The following SEMA3A variants were observed in gnomAD, a reference collection of about 807,000 sequenced individuals.
SEMA3A encodes the protein semaphorin-3A.
SEMA3A carries 29 observed loss-of-function variants against 97.9 expected under a neutral mutation model. The observed-to-expected ratio is 0.30, with a 90% CI of 0.22 to 0.40. SEMA3A has a LOEUF of 0.40. Ranked by LOEUF, SEMA3A falls within the 10% of genes least tolerant of loss-of-function variation. The pLI is 1.00. For missense variants in SEMA3A, 763 were observed against 951.3 expected (o/e 0.80, Z 2.60); for synonymous variants, 321 against 323.7 (o/e 0.99, Z 0.09).
rs1804321323 is a variant in SEMA3A at position 84,413,196 on chromosome 7, A to G, written c.-245-41296T>C. Among the ~76,000 whole-genome samples, 3 of 152,174 alleles carry G rather than the reference A, an allele frequency of 2.0e-5. No individual in the cohort carries two copies. In the South Asian group the frequency reaches 6.2e-4, roughly 32 times the overall value. ...CAGTTATGACATCACAGGATGTATT[A>G]TATGTGTAGAATAATGGTTCTATTG... is the stretch of plus-strand genomic sequence containing the variant. On this transcript the variant is annotated intron_variant, in intron 1 of 3. Coordinates refer to the SEMA3A transcript ENST00000424555.
At chr7:84,052,402 C>T (rs1201930787) in intron 5 of SEMA3A, among the ~76,000 whole-genome samples, 2 of 152,140 alleles carry the variant, frequency 1.3e-5, no homozygotes, top group African/African-American at 4.8e-5. Context: ...TGTTATTGGT[C>T]TATTCAGAGA....
chr7:84,286,760 T>C (rs761703821), intron 3 of SEMA3A, among the ~76,000 whole-genome samples: 3 of 152,064 alleles, frequency 2.0e-5, no homozygotes, highest in Non-Finnish European at 2.9e-5. Flanking sequence ...GCTCTTATTC[T>C]TCAAGAATAT....
chr7:84,434,169 T>A (rs1805060740), intron 1 of SEMA3A, among the ~76,000 whole-genome samples: 1 of 152,068 alleles, frequency 6.6e-6, no homozygotes, highest in Admixed American at 6.6e-5. Flanking sequence ...CTCAGATAAT[T>A]AGTGATGTGG....
At chr7:84,283,370 C>T (rs1366955828) in intron 3 of SEMA3A, among the ~76,000 whole-genome samples, 1 of 152,126 alleles carries the variant, frequency 6.6e-6, no homozygotes, top group African/African-American at 2.4e-5. Context: ...AACCTGCACT[C>T]ATTTTTCTCC....
At chr7:84,087,088 C>T (rs140663948) in intron 4 of SEMA3A, among the ~76,000 whole-genome samples, 1 of 151,988 alleles carries the variant, frequency 6.6e-6, no homozygotes, top group African/African-American at 2.4e-5. Context: ...GCTATTAATT[C>T]TATGTCTTTT....
chr7:84,475,315 CTG>C (rs1471876722), intron 1 of SEMA3A, among the ~76,000 whole-genome samples: 1 of 151,994 alleles, frequency 6.6e-6, no homozygotes, highest in Non-Finnish European at 1.5e-5. Flanking sequence ...GTCAGGGTGT[CTG>C]TGAATGTGAT....
rs559529504 is a variant in SEMA3A at position 84,200,733 on chromosome 7, G to C, written c.-82-6065C>G. ...TTGTGAGATTATCTGAAGAATGAAT[G>C]CAGTGTTCCTGAATATTAATATATT... On this transcript the variant is annotated intron_variant, in intron 3 of 3. Transcript: ENST00000424555. Among the ~76,000 whole-genome samples the C allele has an allele frequency of 5.3e-5, 8 of 151,538 alleles. No individual in the cohort carries two copies. In the South Asian group the frequency reaches 1.7e-3, roughly 32 times the overall value.
intron 1 of SEMA3A, among the ~76,000 whole-genome samples, chr7:84,191,169 A>T (rs1470488792): frequency 6.6e-6 from 1 of 151,126 alleles, no homozygotes; most frequent in Non-Finnish European, 1.5e-5. Flanking sequence ...TCACACATAT[A>T]CATATGAGAA....
chr7:83,997,928 G>T (rs1790283999), intron 12 of SEMA3A, among the ~76,000 whole-genome samples: 1 of 151,844 alleles, frequency 6.6e-6, no homozygotes, highest in African/African-American at 2.4e-5. Context: ...AGTAGAGACG[G>T]GGTTTCACCA....
chr7:84,485,199 T>C (rs1806545038), intron 1 of SEMA3A, among the ~76,000 whole-genome samples: 1 of 152,170 alleles, frequency 6.6e-6, no homozygotes, highest in Non-Finnish European at 1.5e-5. Flanking sequence ...TGTAAATGTT[T>C]GCACATAAAC....
chr7:84,030,380 G>A (rs1463638632), intron 6 of SEMA3A, among the ~76,000 whole-genome samples: 2 of 152,026 alleles, frequency 1.3e-5, no homozygotes, highest in Non-Finnish European at 2.9e-5. Flanking sequence ...CAAATTTTTA[G>A]ACAGTATGCT....
intron 6 of SEMA3A, among the ~76,000 whole-genome samples, chr7:84,030,987 G>GTTTTTTTTTTTTTTTTTTTTT (rs10615974): frequency 1.1e-5 from 1 of 95,022 alleles, no homozygotes; most frequent in Non-Finnish European, 1.9e-5. Context: ...TTTTGGTCAA[G>GTTTTTTTTTTTTTTTTTTTTT]TTTTTTTTTT....
chr7:84,208,325 G>A (rs532948029), intron 3 of SEMA3A, among the ~76,000 whole-genome samples: 43 of 151,814 alleles, frequency 2.8e-4, no homozygotes, highest in East Asian at 1.4e-3. Context: ...GGTGGCGGGC[G>A]CCTGTAATCC....
chr7:84,108,773 C>T (rs1795189903), intron 4 of SEMA3A, among the ~76,000 whole-genome samples: 2 of 151,944 alleles, frequency 1.3e-5, no homozygotes, highest in South Asian at 4.2e-4. Flanking sequence ...GACATGTCGG[C>T]TTGCACCTGT....
chr7:84,172,269 A>G (rs1303124861), intron 1 of SEMA3A, among the ~76,000 whole-genome samples: 1 of 152,202 alleles, frequency 6.6e-6, no homozygotes, highest in Non-Finnish European at 1.5e-5. Context: ...CATTGAAAAT[A>G]TTGTGTACAT....
intron 2 of SEMA3A, among the ~76,000 whole-genome samples, chr7:84,328,557 T>A (rs1204943542): frequency 6.6e-6 from 1 of 152,050 alleles, no homozygotes; most frequent in Admixed American, 6.6e-5. Context: ...TGAAAGCTTC[T>A]CTTTTGATGA....
intron 1 of SEMA3A, among the ~76,000 whole-genome samples, chr7:84,156,034 T>A (rs1796836566): frequency 6.6e-6 from 1 of 152,134 alleles, no homozygotes. Context: ...TAAAGCCCTT[T>A]TTCTGAGTTA....
At chr7:84,239,926 A>G (rs1286636465) in intron 3 of SEMA3A, among the ~76,000 whole-genome samples, 1 of 152,146 alleles carries the variant, frequency 6.6e-6, no homozygotes, top group Non-Finnish European at 1.5e-5. Flanking sequence ...ATGGTAGATT[A>G]ATATTTTCTA....
chr7:84,201,089 AG>A (rs1798344101), intron 3 of SEMA3A, among the ~76,000 whole-genome samples: 1 of 152,094 alleles, frequency 6.6e-6, no homozygotes, highest in Non-Finnish European at 1.5e-5. Flanking sequence ...GAAGAGACTA[AG>A]CAATATGGTT....
Sources: allele counts gnomAD v4.1 joint callset (sites outside exome capture counted in the v4.1 genomes callset), GRCh38; gene constraint gnomAD v4.1.1; transcripts MANE v1.5; gene names NCBI Gene and HGNC (gene_info 2026-07-23, HGNC 2026-07-21).